ARAP2: variants seen among roughly 807,000 people sequenced by gnomAD.
The protein encoded by ARAP2 is ArfGAP with RhoGAP domain, ankyrin repeat and PH domain 2, also known as arf-GAP with Rho-GAP domain, ANK repeat and PH domain-containing protein 2.
In ARAP2, 148 loss-of-function variants were observed where a neutral mutation model predicts 194.5. That is an observed-to-expected ratio of 0.76 (90% CI 0.67 to 0.87). ARAP2 has a LOEUF of 0.87. Ranked by LOEUF, ARAP2 falls within the 40% of genes least tolerant of loss-of-function variation. The pLI, the probability that ARAP2 is intolerant of heterozygous loss-of-function variation, is 0.00. For missense variants in ARAP2, 2,128 were observed against 1,989.7 expected, an observed-to-expected ratio of 1.07 and a Z score of -1.32; for synonymous variants, 695 against 683.5, an observed-to-expected ratio of 1.02 and a Z score of -0.26.
At chr4:36,154,756 T>A (rs1208180754) in intron 15 of ARAP2, among the ~76,000 whole-genome samples, 1 of 152,226 alleles carries the variant, frequency 6.6e-6, no homozygotes, top group East Asian at 1.9e-4. Context: ...CAGACTTTTG[T>A]CTTTGTTTTT....
At chr4:36,239,704 A>T (rs1465638428) in intron 1 of ARAP2, among the ~76,000 whole-genome samples, 1 of 152,216 alleles carries the variant, frequency 6.6e-6, no homozygotes, top group Non-Finnish European at 1.5e-5. Flanking sequence ...CAGCATTGTA[A>T]ATATACTTAG....
chr4:36,077,285 C>T (rs191385421), intron 31 of ARAP2, among the ~76,000 whole-genome samples: 2 of 152,022 alleles, frequency 1.3e-5, no homozygotes, highest in East Asian at 1.9e-4. Flanking sequence ...CATATCTGAT[C>T]GAAACAATCT....
At chr4:36,227,558 T>C (rs1260398807) in intron 2 of ARAP2, among the ~76,000 whole-genome samples, 1 of 152,152 alleles carries the variant, frequency 6.6e-6, no homozygotes, top group Non-Finnish European at 1.5e-5. Context: ...GCACTGCAAT[T>C]ACCAAAGGTA....
Position 36,124,906 on chromosome 4 carries a change from C to T in ARAP2, c.3702G>A (p.Gly1234=), listed in dbSNP as rs548828289. Residue 1234 remains glycine (G), a synonymous_variant, in exon 22 of 33, where the codon GGG becomes GGA. Coordinates refer to ENST00000303965, the MANE Select transcript of ARAP2 (RefSeq NM_015230.4). ...KYGAFIRSLP[G]VNRATLAAII... is the part of the protein sequence containing the mutation. ...TAGCTGCTAGTGTTGCTCGGTTGAC[C>T]CCTGGAAGAGAACGTATAAATGCTC... The T allele has an allele frequency of 6.2e-7, 1 of 1,610,816 alleles. No individual in the cohort carries two copies. The highest frequency in any genetic ancestry group is 8.5e-7 in the Non-Finnish European group (1 of 1,178,048).
At chr4:36,160,374 A>C (rs1733632509) in intron 13 of ARAP2, 85 bp downstream of exon 13, 1 of 1,316,554 alleles carries the variant, frequency 7.6e-7, no homozygotes, top group Non-Finnish European at 9.8e-7. Context: ...AGATAGTATA[A>C]AATTTTTTAC....
chr4:36,186,751 G>T (rs1740660567), intron 8 of ARAP2, among the ~76,000 whole-genome samples: 3 of 152,238 alleles, frequency 2.0e-5, no homozygotes. Flanking sequence ...AAATGTGCAT[G>T]CAAGGAATTT....
intron 28 of ARAP2, among the ~76,000 whole-genome samples, chr4:36,085,532 C>G (rs989474508): frequency 2.6e-5 from 4 of 152,040 alleles, no homozygotes; most frequent in African/African-American, 4.8e-5. Flanking sequence ...ATTTATGGCA[C>G]TGCACCATTG....
In ARAP2 at chr4:36,092,123, G is replaced by C. The variant is rs1391572151; in HGVS notation, c.4286-103C>G. ...TGTCATATAGAAAAAATAAGAACTT[G>C]TTTACTACCGCTAAAGTCTAAGGTG... is the stretch of plus-strand genomic sequence containing the variant. On this transcript the variant is annotated intron_variant, in intron 27 of 32. Coordinates refer to ENST00000303965, the MANE Select transcript of ARAP2 (RefSeq NM_015230.4). 12 of 1,287,700 alleles carry C rather than the reference G, an allele frequency of 9.3e-6. No homozygotes were observed. The Admixed American group carries it at 2.6e-4, about 28-fold the overall frequency. 79.8% of individuals were successfully genotyped at this position (1,287,700 alleles called of 1,614,324 possible).
At chr4:36,143,438 G>A (rs964178460) in intron 19 of ARAP2, among the ~76,000 whole-genome samples, 1 of 151,468 alleles carries the variant, frequency 6.6e-6, no homozygotes, top group African/African-American at 2.4e-5. Flanking sequence ...AAAGGTATTG[G>A]TAAATTAATA....
chr4:36,083,238 G>A (rs1451017743), intron 29 of ARAP2, 130 bp downstream of exon 29: 1 of 680,250 alleles, frequency 1.5e-6, no homozygotes. Flanking sequence ...GACAGGGGAA[G>A]CAACTTAAAA....
chr4:36,210,358 G>A, intron 6 of ARAP2, 32 bp downstream of exon 6: 1 of 1,531,360 alleles, frequency 6.5e-7, no homozygotes, highest in South Asian at 1.3e-5. Context: ...TTAAAAATAT[G>A]CCACTTATGA....
intron 26 of ARAP2, among the ~76,000 whole-genome samples, chr4:36,108,099 C>A (rs1718901186): frequency 6.6e-6 from 1 of 151,752 alleles, no homozygotes; most frequent in African/African-American, 2.4e-5. Context: ...GTGATGCAAT[C>A]CTAGCTCACT....
In ARAP2 at chr4:36,091,986, G is replaced by T. The variant is rs755919700; in HGVS notation, c.4320C>A (p.Ile1440=). 1.2e-6 allele frequency: 2 copies of T among 1,602,958 alleles called. No homozygotes were observed. The highest frequency in any genetic ancestry group is 3.3e-5 in the Admixed American group (2 of 59,838). ...RSTLGSIKEG[I]LKIKEEPSKI... ...TGGATGGTTCTTCTTTGATTTTCAA[G>T]ATTCCTTCTTTGATGCTTCCCAGTG... The change falls in exon 28 of 33, where the codon ATC becomes ATA. Residue 1440 remains isoleucine, a synonymous_variant. Coordinates refer to ENST00000303965, the MANE Select transcript of ARAP2 (RefSeq NM_015230.4).
intron 19 of ARAP2, among the ~76,000 whole-genome samples, chr4:36,140,139 T>TACACACACACACACACACACAC (rs66531233): frequency 1.1e-4 from 15 of 140,384 alleles, no homozygotes; most frequent in Non-Finnish European, 1.9e-4. Context: ...ACAAAAACAA[T>TACACACACACACACACACACAC]ACACACACAC....
chr4:36,011,828 A>G (rs1714626805), intron 9 of ARAP2, among the ~76,000 whole-genome samples: 2 of 152,210 alleles, frequency 1.3e-5, no homozygotes, highest in South Asian at 4.1e-4. Flanking sequence ...GTGAAACACA[A>G]GAGAGCTATA....
intron 12 of ARAP2, 95 bp downstream of exon 12, chr4:36,161,370 A>G: frequency 1.0e-6 from 1 of 958,560 alleles, no homozygotes; most frequent in Middle Eastern, 2.1e-4. Context: ...CAGCCCCGAG[A>G]AAAATTCCTG....
intron 7 of ARAP2, among the ~76,000 whole-genome samples, chr4:36,188,659 G>A (rs1419162041): frequency 6.6e-6 from 1 of 152,182 alleles, no homozygotes; most frequent in Admixed American, 6.5e-5. Context: ...AATATTAAAA[G>A]AGTTTGGATA....
At chr4:36,060,022 T>C (rs931909557) in intron 1 of ARAP2, among the ~76,000 whole-genome samples, 65 of 152,094 alleles carry the variant, frequency 4.3e-4, no homozygotes, top group African/African-American at 1.5e-3. Flanking sequence ...AATGAGGCAA[T>C]AGTAGAGGGG....
rs748222364 is a variant in ARAP2 at position 36,073,726 on chromosome 4, T to G, written c.4706A>C (p.His1569Pro). 1.9e-6 allele frequency: 3 copies of G among 1,613,216 alleles called. No homozygotes were observed. The highest frequency in any genetic ancestry group is 2.5e-6 in the Non-Finnish European group (3 of 1,179,354). The change falls in exon 32 of 33, where the codon CAT (histidine) becomes CCT (proline). Residue 1569 changes from histidine to proline, a missense_variant. Coordinates refer to ENST00000303965, the MANE Select transcript of ARAP2 (RefSeq NM_015230.4). ...CCGGGCCAAGGTTGCATTCCCCTCA[T>G]GCTGTATAGGAATCAGAGGCAAACC... is the stretch of plus-strand genomic sequence containing the variant. ...IGGLPLIPIQ[H>P]EGNATLARKN...
Sources: allele counts gnomAD v4.1 joint callset (sites outside exome capture counted in the v4.1 genomes callset), GRCh38; gene constraint gnomAD v4.1.1; transcripts MANE v1.5; gene names NCBI Gene and HGNC (gene_info 2026-07-23, HGNC 2026-07-21).